The following SLC36A1 variants were observed in gnomAD, a reference collection of about 807,000 sequenced individuals.
SLC36A1 encodes proton-coupled amino acid transporter 1.
In SLC36A1, 30 loss-of-function variants were observed where a neutral mutation model predicts 47.5. The observed-to-expected ratio is 0.63, with a 90% CI of 0.47 to 0.86. SLC36A1 has a LOEUF of 0.86. Ranked by LOEUF, SLC36A1 falls within the 40% of genes least tolerant of loss-of-function variation. SLC36A1 has a pLI of 0.00. For synonymous variants in SLC36A1, 255 were observed against 249.7 expected (o/e 1.02, Z -0.20); for missense variants, 517 against 606.0 (o/e 0.85, Z 1.54).
the SLC36A1 span, chr5:151,510,591 A>T: frequency 3.2e-3 from 500 of 156,660 alleles, 6 homozygotes; most frequent in African/African-American, 0.012. Context: ...AATGGACAGA[A>T]TTTGCTCAAG....
intron 2 of SLC36A1, among the ~76,000 whole-genome samples, chr5:151,461,280 T>A (rs2127477744): frequency 6.6e-6 from 1 of 151,964 alleles, no homozygotes; most frequent in East Asian, 1.9e-4. Flanking sequence ...ATGAGCACCA[T>A]GCCTGACCTG....
intron 10 of SLC36A1, among the ~76,000 whole-genome samples, chr5:151,486,312 C>T (rs1378997842): frequency 5.3e-5 from 8 of 152,122 alleles, no homozygotes; most frequent in African/African-American, 1.4e-4. Flanking sequence ...AAACACTTCC[C>T]ACCAGGCCCC....
the SLC36A1 span, among the ~76,000 whole-genome samples, chr5:151,530,562 C>T: frequency 6.6e-6 from 1 of 152,186 alleles, no homozygotes; most frequent in East Asian, 1.9e-4. Context: ...TAAAATCTTG[C>T]ATATCAACCA....
chr5:151,542,859 G>A, the SLC36A1 span: 2 of 1,614,152 alleles, frequency 1.2e-6, no homozygotes, highest in South Asian at 1.1e-5. Flanking sequence ...TGGATTCGTG[G>A]TCCATGGGCT....
At chr5:151,470,312 G>C (rs908379733) in intron 7 of SLC36A1, among the ~76,000 whole-genome samples, 1 of 152,200 alleles carries the variant, frequency 6.6e-6, no homozygotes, top group Non-Finnish European at 1.5e-5. Flanking sequence ...AATCATTGCA[G>C]GTAGTCGGGC....
the SLC36A1 span, chr5:151,366,523 A>G: frequency 3.3e-6 from 1 of 299,434 alleles, no homozygotes; most frequent in South Asian, 3.4e-5. Flanking sequence ...GGTGATGATG[A>G]GGGAGCTCAT....
upstream of SLC36A1, among the ~76,000 whole-genome samples, chr5:151,442,698 A>G (rs887635552): frequency 7.9e-5 from 12 of 152,228 alleles, no homozygotes; most frequent in East Asian, 2.1e-3. Context: ...GTACAATTGT[A>G]TAACCTATAG....
chr5:151,484,521 A>G (rs1759257666), intron 10 of SLC36A1, among the ~76,000 whole-genome samples: 1 of 152,160 alleles, frequency 6.6e-6, no homozygotes, highest in Non-Finnish European at 1.5e-5. Context: ...GTCCTAAGTG[A>G]CTAACACTGG....
At chr5:151,347,698 G>C in the SLC36A1 span, 1 of 560,782 alleles carries the variant, frequency 1.8e-6, no homozygotes. Flanking sequence ...ATTTGGAAAA[G>C]GCATCACCCA....
chr5:151,446,847 T>G (rs1290633113), upstream of SLC36A1, among the ~76,000 whole-genome samples: 1 of 152,248 alleles, frequency 6.6e-6, no homozygotes, highest in African/African-American at 2.4e-5. Context: ...GCTCTATCCA[T>G]TGTTGAAAGT....
the SLC36A1 span, among the ~76,000 whole-genome samples, chr5:151,532,527 A>AT: frequency 3.9e-5 from 6 of 152,318 alleles, no homozygotes; most frequent in East Asian, 9.6e-4. Context: ...TCCTACTGCT[A>AT]TGTAAGATGC....
chr5:151,530,978 G>A, the SLC36A1 span, among the ~76,000 whole-genome samples: 1 of 152,298 alleles, frequency 6.6e-6, no homozygotes, highest in Admixed American at 6.5e-5. Flanking sequence ...CCATTCCAGG[G>A]GAGCCATGGG....
downstream of SLC36A1, among the ~76,000 whole-genome samples, chr5:151,496,586 C>CA (rs1760349530): frequency 2.0e-5 from 3 of 152,184 alleles, no homozygotes. Flanking sequence ...GACACAGTCT[C>CA]ACTCTGTCAC....
the SLC36A1 span, among the ~76,000 whole-genome samples, chr5:151,371,762 G>A: frequency 1.6e-4 from 25 of 151,640 alleles, no homozygotes; most frequent in African/African-American, 5.6e-4. Flanking sequence ...TTCCTTTTTC[G>A]TTTTGGAAGA....
chr5:151,499,733 C>A, the SLC36A1 span, among the ~76,000 whole-genome samples: 2 of 152,160 alleles, frequency 1.3e-5, no homozygotes, highest in South Asian at 4.1e-4. Flanking sequence ...CCTGTAACAA[C>A]AACTGTGCAA....
the SLC36A1 span, among the ~76,000 whole-genome samples, chr5:151,392,873 A>T: frequency 6.6e-6 from 1 of 152,154 alleles, no homozygotes; most frequent in Non-Finnish European, 1.5e-5. Flanking sequence ...AAGAATGTAT[A>T]TTCTGTTGAT....
At chr5:151,373,687 A>G in the SLC36A1 span, among the ~76,000 whole-genome samples, 1 of 152,244 alleles carries the variant, frequency 6.6e-6, no homozygotes, top group Admixed American at 6.5e-5. Flanking sequence ...AAGAAATGAC[A>G]ATCTTTGGAG....
chr5:151,500,060 G>A, the SLC36A1 span, among the ~76,000 whole-genome samples: 1 of 152,134 alleles, frequency 6.6e-6, no homozygotes, highest in Non-Finnish European at 1.5e-5. Context: ...CCAAATCTGG[G>A]CCCCCTGGCT....
the SLC36A1 span, chr5:151,537,950 G>C: frequency 6.2e-6 from 10 of 1,613,236 alleles, no homozygotes; most frequent in Non-Finnish European, 8.5e-6. Flanking sequence ...AGAGAAGCTA[G>C]AGATGGAAAG....
Sources: allele counts gnomAD v4.1 joint callset (sites outside exome capture counted in the v4.1 genomes callset), GRCh38; gene constraint gnomAD v4.1.1; transcripts MANE v1.5; gene names NCBI Gene and HGNC (gene_info 2026-07-23, HGNC 2026-07-21).